ABAT: variants seen among roughly 807,000 people sequenced by gnomAD.
ABAT encodes 4-aminobutyrate aminotransferase.
In ABAT, 45 loss-of-function variants were observed where a neutral mutation model predicts 64.6. The ratio of observed to expected loss-of-function variants is 0.70; its 90% CI spans 0.55 to 0.89. The LOEUF (loss-of-function observed/expected upper bound fraction) is 0.89. Ranked by LOEUF, ABAT falls within the 40% of genes least tolerant of loss-of-function variation. The pLI is 0.00. For synonymous variants in ABAT, 297 were observed against 250.5 expected, an observed-to-expected ratio of 1.19 and a Z score of -1.75; for missense variants, 633 against 658.4, an observed-to-expected ratio of 0.96 and a Z score of 0.42.
chr16:8,738,100 C>T (rs939202645), intron 2 of ABAT, among the ~76,000 whole-genome samples: 2 of 151,172 alleles, frequency 1.3e-5, no homozygotes, highest in East Asian at 3.9e-4. Context: ...GCAGGAGGAT[C>T]GCTTGAGCCC....
chr16:8,743,469 T>C (rs2059233911), intron 2 of ABAT, among the ~76,000 whole-genome samples: 1 of 111,636 alleles, frequency 9.0e-6, no homozygotes, highest in Non-Finnish European at 1.7e-5. Flanking sequence ...ATATATTATA[T>C]AATATATATT....
chr16:8,731,802 CT>C (rs200941035), intron 1 of ABAT, among the ~76,000 whole-genome samples: 2,191 of 152,116 alleles, frequency 0.014, 56 homozygotes, highest in African/African-American at 0.05. Flanking sequence ...AAACAATGTC[CT>C]TTTTTCCCTT....
chr16:8,722,508 T>C (rs1353437383), intron 1 of ABAT, among the ~76,000 whole-genome samples: 1 of 152,088 alleles, frequency 6.6e-6, no homozygotes, highest in Non-Finnish European at 1.5e-5. Flanking sequence ...AGCAAGTTGA[T>C]TTCAAGAAAA....
rs184612278 is a variant in ABAT, at chr16:8,774,489, G to T, written c.955-401G>T. 2.0e-3 allele frequency among the ~76,000 whole-genome samples: 298 copies of T among 152,116 alleles called. 4 individuals carry two copies. The highest frequency in any genetic ancestry group is 3.2e-4 in the Non-Finnish European group (22 of 68,006). Reference sequence around the variant, plus strand: ...TAACACAGATGCTGAGTTAGAAATAGCCTTGGTGACAAGCAGAACATGGCA... The same window carrying T: ...TAACACAGATGCTGAGTTAGAAATATCCTTGGTGACAAGCAGAACATGGCA... On this transcript the variant is annotated intron_variant, in intron 12 of 15. Transcript: ENST00000268251.
intron 1 of ABAT, among the ~76,000 whole-genome samples, chr16:8,724,731 G>T (rs2058484430): frequency 1.4e-5 from 1 of 73,204 alleles, no homozygotes; most frequent in Non-Finnish European, 2.7e-5. Context: ...CTTGTCTCAG[G>T]AAAAAAAAAA....
chr16:8,769,235 A>G (rs2060032022), intron 11 of ABAT, among the ~76,000 whole-genome samples: 1 of 152,216 alleles, frequency 6.6e-6, no homozygotes, highest in Non-Finnish European at 1.5e-5. Context: ...TTGGAAGACA[A>G]GAGTCAATGA....
intron 1 of ABAT, among the ~76,000 whole-genome samples, chr16:8,685,152 G>T (rs1211996466): frequency 1.3e-5 from 2 of 151,556 alleles, no homozygotes. Flanking sequence ...CAAGCATGGT[G>T]GTGCGTGCCT....
chr16:8,695,379 A>G (rs1250320579), intron 1 of ABAT, among the ~76,000 whole-genome samples: 1 of 152,162 alleles, frequency 6.6e-6, no homozygotes, highest in Non-Finnish European at 1.5e-5. Flanking sequence ...CAGGATCCCA[A>G]TGATTGTAAA....
chr16:8,713,764 T>A, intron 1 of ABAT: 1 of 428,730 alleles, frequency 2.3e-6, no homozygotes, highest in Non-Finnish European at 4.8e-6. Context: ...CCTCTTAGGA[T>A]GAACCCAGCC....
chr16:8,718,416 T>G (rs751395576), intron 1 of ABAT, among the ~76,000 whole-genome samples: 1 of 152,158 alleles, frequency 6.6e-6, no homozygotes, highest in Non-Finnish European at 1.5e-5. Flanking sequence ...GGAATGGCAA[T>G]GAAAAAAAGT....
At chr16:8,722,381 C>G (rs1057356600) in intron 1 of ABAT, among the ~76,000 whole-genome samples, 10 of 152,186 alleles carry the variant, frequency 6.6e-5, no homozygotes, top group African/African-American at 2.2e-4. Context: ...CTGGCCTCAG[C>G]TGATCCATCT....
chr16:8,680,576 C>T (rs1284976330), intron 1 of ABAT, among the ~76,000 whole-genome samples: 1 of 152,076 alleles, frequency 6.6e-6, no homozygotes, highest in Non-Finnish European at 1.5e-5. Flanking sequence ...GTGTGGGCCA[C>T]AACCACGCCC....
Position 8,766,382 on chromosome 16 carries a change from C to T in ABAT, c.603+112C>T, listed in dbSNP as rs1020248595. 2.8e-5 allele frequency: 29 copies of T among 1,051,918 alleles called. No individual in the cohort carries two copies. In the East Asian group the frequency reaches 3.7e-4, roughly 13 times the overall value. 65.2% of individuals were successfully genotyped at this position (1,051,918 alleles called of 1,614,324 possible). A position where few individuals can be genotyped will look rare whatever the true frequency, so the allele number is the denominator to read the frequency against. ...CAATTAGGAAGGGCCAGGCCAGGCGCGGTGGCTCATGCCTGTAATCCCAGC... is the reference window on the plus strand; with the variant it reads ...CAATTAGGAAGGGCCAGGCCAGGCGTGGTGGCTCATGCCTGTAATCCCAGC... On this transcript the variant is annotated intron_variant, in intron 9 of 15. Coordinates refer to ENST00000268251, the MANE Select transcript of ABAT (RefSeq NM_020686.6).
At chr16:8,692,669 G>A (rs868190609) in intron 1 of ABAT, among the ~76,000 whole-genome samples, 1 of 152,218 alleles carries the variant, frequency 6.6e-6, no homozygotes, top group South Asian at 2.1e-4. Context: ...AACATGGTAT[G>A]CCAAAGGTCA....
rs368568293 is a variant in ABAT at position 8,743,444 on chromosome 16, T to TATATATATATATATATACAC, written c.71-2556_71-2555insTATATATATATATATACACA. Among the ~76,000 whole-genome samples, 505 of 117,622 alleles carry TATATATATATATATATACAC rather than the reference T, an allele frequency of 4.3e-3. 8 individuals are homozygous for TATATATATATATATATACAC. Among genetic ancestry groups the TATATATATATATATATACAC allele is most frequent in the African/African-American group, 5.0e-3 (135 of 26,788 alleles). 77.2% of individuals were successfully genotyped at this position (117,622 alleles called of 152,430 possible). A position where few individuals can be genotyped will look rare whatever the true frequency, so the allele number is the denominator to read the frequency against. ...ACAGTTATATATATATATATATATA[T>TATATATATATATATATACAC]ACACACATTTTATAATATATTATAT... On this transcript the variant is annotated intron_variant, in intron 2 of 15. Coordinates refer to ENST00000268251, the MANE Select transcript of ABAT (RefSeq NM_020686.6).
chr16:8,683,994 C>T (rs941013663), intron 1 of ABAT, among the ~76,000 whole-genome samples: 1 of 151,838 alleles, frequency 6.6e-6, no homozygotes, highest in Non-Finnish European at 1.5e-5. Context: ...GAGGGAGAGA[C>T]AAAGACTCAG....
chr16:8,699,135 G>C (rs545014050), intron 1 of ABAT, among the ~76,000 whole-genome samples: 8 of 152,156 alleles, frequency 5.3e-5, no homozygotes, highest in Admixed American at 5.2e-4. Context: ...ACATAGTTTT[G>C]GTTGAAGTAG....
intron 1 of ABAT, chr16:8,715,053 T>C (rs1360215666): frequency 6.6e-6 from 1 of 152,230 alleles, no homozygotes; most frequent in Non-Finnish European, 1.5e-5. Context: ...CGCCCTCCTC[T>C]ACCTGCAGAA....
intron 1 of ABAT, among the ~76,000 whole-genome samples, chr16:8,681,978 G>C (rs2057344049): frequency 1.3e-5 from 2 of 152,038 alleles, no homozygotes; most frequent in African/African-American, 4.8e-5. Flanking sequence ...AGGCTGTCCT[G>C]TGCCGGATGT....
Sources: allele counts gnomAD v4.1 joint callset (sites outside exome capture counted in the v4.1 genomes callset), GRCh38; gene constraint gnomAD v4.1.1; transcripts MANE v1.5; gene names NCBI Gene and HGNC (gene_info 2026-07-23, HGNC 2026-07-21).